Variants in STAG2 observed in about 807,000 individuals in gnomAD.
The protein encoded by STAG2 is cohesin subunit SA-2.
In STAG2, 14 loss-of-function variants were observed where a neutral mutation model predicts 108.1. The observed-to-expected ratio is 0.13, with a 90% CI of 0.09 to 0.20. The LOEUF (loss-of-function observed/expected upper bound fraction) is 0.20, where lower values mean the gene tolerates loss of function less well. STAG2 is among the 10% of genes least tolerant of loss of function. STAG2 has a pLI of 1.00. For missense variants in STAG2, 440 were observed against 940.9 expected (o/e 0.47, Z 6.96); for synonymous variants, 307 against 302.7 (o/e 1.01, Z -0.15).
At chrX:123,974,745 ATTT>A (rs1193901783) in intron 1 of STAG2, among the ~76,000 whole-genome samples, 2 of 107,895 alleles carry the variant, frequency 1.9e-5, no homozygotes. Flanking sequence ...CGCCTGGCTA[ATTT>A]TTGTATTTTT....
chrX:124,020,458 G>C (rs1027514), intron 1 of STAG2, among the ~76,000 whole-genome samples: 1 of 110,622 alleles, frequency 9.0e-6, no homozygotes, highest in Non-Finnish European at 1.9e-5. Flanking sequence ...GAAACAAAAT[G>C]ATTTTCTTTT....
rs777397858 is a variant in STAG2, at chrX:124,046,186, T to TA, written c.667+825dup. ...TCTTAATGATATTTTGATTTTTAAC[T>TA]AAAAAAACTTTATATTCTCTGTTGG... On this transcript the variant is annotated intron_variant, in intron 8 of 34. Coordinates refer to ENST00000371145, the MANE Select transcript of STAG2 (RefSeq NM_001042750.2). 4.9e-3 allele frequency among the ~76,000 whole-genome samples: 554 copies of TA among 112,005 alleles called. 2 individuals carry two copies. The highest frequency in any genetic ancestry group is 0.017 in the African/African-American group (516 of 30,947).
At chrX:124,023,604 A>T (rs984806362) in intron 3 of STAG2, among the ~76,000 whole-genome samples, 1 of 111,747 alleles carries the variant, frequency 8.9e-6, no homozygotes, top group African/African-American at 3.3e-5. Flanking sequence ...CTTTGTTAAT[A>T]TTAAGTGTCT....
In STAG2 at chrX:124,085,517, C is replaced by T. The variant is rs2059077231; in HGVS notation, c.3054-1030C>T. Among the ~76,000 whole-genome samples, 3 of 110,310 alleles carry T rather than the reference C, an allele frequency of 2.7e-5. No individual in the cohort carries two copies. In the Admixed American group the frequency reaches 2.9e-4, roughly 11 times the overall value. On this transcript the variant is annotated intron_variant, in intron 29 of 34. Coordinates refer to ENST00000371145, the MANE Select transcript of STAG2 (RefSeq NM_001042750.2). ...GAAAGACATACTGGGAGTCGGGTGCCGCGGCTCACACCTGTAATCCCAGCA... is the reference window on the plus strand; with the variant it reads ...GAAAGACATACTGGGAGTCGGGTGCTGCGGCTCACACCTGTAATCCCAGCA...
chrX:124,086,345 A>G (rs1373797259), intron 29 of STAG2, among the ~76,000 whole-genome samples: 1 of 111,613 alleles, frequency 9.0e-6, no homozygotes, highest in Non-Finnish European at 1.9e-5. Flanking sequence ...CTGGGACATA[A>G]TAGGTACTCA....
chrX:124,095,222 C>T (rs763006887), intron 33 of STAG2, 150 bp from the exon 34 acceptor site: 27 of 488,719 alleles, frequency 5.5e-5, no homozygotes, highest in Admixed American at 2.1e-4. Flanking sequence ...CCACCGCACC[C>T]GGCTGATAAT....
chrX:124,034,894 T>TTAG (rs2148098013), intron 5 of STAG2, among the ~76,000 whole-genome samples: 1 of 107,533 alleles, frequency 9.3e-6, no homozygotes, highest in East Asian at 2.9e-4. Flanking sequence ...ATTATTATTA[T>TTAG]TATTATTATT....
At chrX:124,048,645 G>C (rs781262913) in intron 9 of STAG2, among the ~76,000 whole-genome samples, 2 of 111,165 alleles carry the variant, frequency 1.8e-5, no homozygotes, top group African/African-American at 3.3e-5. Context: ...GGCCAGGCTG[G>C]TCTCGAACTC....
At chrX:123,984,615 C>T (rs1461128817) in intron 1 of STAG2, among the ~76,000 whole-genome samples, 4 of 111,429 alleles carry the variant, frequency 3.6e-5, no homozygotes, top group African/African-American at 1.3e-4. Flanking sequence ...TAATTTAGTG[C>T]TTTATCTGGA....
intron 1 of STAG2, among the ~76,000 whole-genome samples, chrX:124,012,428 T>G (rs914247937): frequency 1.8e-5 from 2 of 112,236 alleles, no homozygotes; most frequent in African/African-American, 6.5e-5. Context: ...AGAATCAAAC[T>G]CTTAGATCTG....
intron 1 of STAG2, among the ~76,000 whole-genome samples, chrX:123,995,511 G>C (rs1384064208): frequency 9.0e-6 from 1 of 110,674 alleles, no homozygotes; most frequent in Non-Finnish European, 1.9e-5. Flanking sequence ...TGGCTAACAT[G>C]GTGAAACCCC....
chrX:124,043,761 T>C (rs1425951270), intron 7 of STAG2, among the ~76,000 whole-genome samples: 2 of 111,660 alleles, frequency 1.8e-5, no homozygotes, highest in African/African-American at 6.5e-5. Context: ...AGATTACATA[T>C]TAGTTTAGAC....
intron 6 of STAG2, among the ~76,000 whole-genome samples, chrX:124,040,472 G>T (rs1290100338): frequency 3.6e-5 from 4 of 110,411 alleles, no homozygotes; most frequent in Admixed American, 9.8e-5. Context: ...CTGGCCTTAT[G>T]TCCTAATGGT....
In STAG2 at chrX:124,032,905, A is replaced by G. The variant is rs368232417; in HGVS notation, c.288+1780A>G. Among the ~76,000 whole-genome samples the G allele has an allele frequency of 2.3e-4, 26 of 112,577 alleles. No homozygotes were observed. In the East Asian group the frequency reaches 6.9e-3, roughly 30 times the overall value. ...AAAAACTGACACAAATACCTTGTTT[A>G]GAAATATAGAATTAGCTTAATATGT... On this transcript the variant is annotated intron_variant, in intron 5 of 34. Coordinates refer to ENST00000371145, the MANE Select transcript of STAG2 (RefSeq NM_001042750.2).
At chrX:123,980,327 C>T (rs1437162430) in intron 1 of STAG2, among the ~76,000 whole-genome samples, 4 of 110,769 alleles carry the variant, frequency 3.6e-5, no homozygotes, top group African/African-American at 1.3e-4. Flanking sequence ...GTGAAAACAT[C>T]ATGCTTAACT....
intron 6 of STAG2, among the ~76,000 whole-genome samples, chrX:124,038,057 T>G (rs1330210221): frequency 8.9e-6 from 1 of 112,272 alleles, no homozygotes; most frequent in African/African-American, 3.2e-5. Context: ...TTAAGTAAGT[T>G]AAATAAGGTA....
intron 6 of STAG2, 141 bp from the exon 7 acceptor site, chrX:124,042,428 G>T: frequency 2.4e-6 from 1 of 422,229 alleles, no homozygotes; most frequent in Non-Finnish European, 4.2e-6. Flanking sequence ...GAGTATCATG[G>T]TAAAGATTAT....
intron 1 of STAG2, among the ~76,000 whole-genome samples, chrX:123,984,547 G>T (rs761336985): frequency 3.1e-4 from 35 of 111,753 alleles, no homozygotes; most frequent in Middle Eastern, 4.6e-3. Context: ...TGTAAACATG[G>T]TGTCTCTAAT....
chrX:124,080,655 T>C (rs1485828860), intron 27 of STAG2, among the ~76,000 whole-genome samples: 1 of 109,521 alleles, frequency 9.1e-6, no homozygotes, highest in African/African-American at 3.3e-5. Flanking sequence ...GCCACTGCAC[T>C]CCAGCCTGGG....
Sources: gnomAD v4.1 joint callset for allele counts (sites outside exome capture counted in the v4.1 genomes callset) on GRCh38, gnomAD v4.1.1 for gene constraint, MANE v1.5 for transcripts, NCBI Gene and HGNC (gene_info 2026-07-23, HGNC 2026-07-21) for gene names.